BRINP2: variants seen among roughly 807,000 people sequenced by gnomAD.
The protein encoded by BRINP2 is BMP/retinoic acid inducible neural specific 2, also known as BMP/retinoic acid-inducible neural-specific protein 2.
Under a neutral mutation model 69.2 loss-of-function variants are expected in BRINP2, and 21 were observed. The observed-to-expected ratio is 0.30, with a 90% confidence interval of 0.22 to 0.44. The LOEUF is 0.44. Ranked by LOEUF, BRINP2 falls within the 20% of genes least tolerant of loss-of-function variation. The pLI is 1.00. For missense variants in BRINP2, 877 were observed against 986.0 expected (o/e 0.89, Z 1.48); for synonymous variants, 380 against 394.1 (o/e 0.96, Z 0.42).
chr1:177,238,629 G>A (rs1410641260), intron 2 of BRINP2, among the ~76,000 whole-genome samples: 2 of 152,176 alleles, frequency 1.3e-5, no homozygotes, highest in African/African-American at 4.8e-5. Flanking sequence ...ACTCTACACA[G>A]TATTGAGAAA....
chr1:177,200,461 C>A (rs1648878866), intron 1 of BRINP2, among the ~76,000 whole-genome samples: 1 of 152,102 alleles, frequency 6.6e-6, no homozygotes, highest in South Asian at 2.1e-4. Context: ...CGCTGCCCAT[C>A]TGACCCCATT....
intron 1 of BRINP2, among the ~76,000 whole-genome samples, chr1:177,185,202 C>A (rs1648392360): frequency 6.6e-6 from 1 of 152,076 alleles, no homozygotes; most frequent in Admixed American, 6.5e-5. Context: ...TTCCACCCAT[C>A]CCCTCATAGG....
At chr1:177,242,227 C>T (rs1161851077) in intron 2 of BRINP2, among the ~76,000 whole-genome samples, 1 of 152,144 alleles carries the variant, frequency 6.6e-6, no homozygotes, top group Non-Finnish European at 1.5e-5. Context: ...TCGTACTTTC[C>T]TCACTTCTCT....
At chr1:177,200,292 T>TAAAA (rs1648866674) in intron 1 of BRINP2, among the ~76,000 whole-genome samples, 1 of 6,938 alleles carries the variant, frequency 1.4e-4, no homozygotes, top group South Asian at 5.0e-3. Context: ...AAACTCTGTC[T>TAAAA]CAAAAAAAAA....
Position 177,180,503 on chromosome 1 carries a change from T to G in BRINP2, c.-77+8771T>G, listed in dbSNP as rs114648756. 3.3e-3 allele frequency among the ~76,000 whole-genome samples: 499 copies of G among 152,374 alleles called. 3 individuals carry two copies. The highest frequency in any genetic ancestry group is 0.011 in the African/African-American group (476 of 41,588). ...TGACAAATAGCAGAGTTGAGCATCC[T>G]TAAGCCTGGAGGAAAAGGTTTCCCT... is the stretch of plus-strand genomic sequence containing the variant. On this transcript the variant is annotated intron_variant, in intron 1 of 7. Coordinates refer to ENST00000361539, the MANE Select transcript of BRINP2 (RefSeq NM_021165.4).
chr1:177,269,189 C>A (rs1651229076), intron 4 of BRINP2, among the ~76,000 whole-genome samples: 3 of 152,204 alleles, frequency 2.0e-5, no homozygotes, highest in Admixed American at 1.3e-4. Context: ...GGCACTAGGG[C>A]TGCCATCCCT....
chr1:177,180,818 A>C (rs1217905087), intron 1 of BRINP2, among the ~76,000 whole-genome samples: 1 of 152,226 alleles, frequency 6.6e-6, no homozygotes, highest in African/African-American at 2.4e-5. Flanking sequence ...TTAAAATCAC[A>C]GGTGATATAT....
At chr1:177,181,613 G>A (rs1648251265) in intron 1 of BRINP2, among the ~76,000 whole-genome samples, 1 of 152,210 alleles carries the variant, frequency 6.6e-6, no homozygotes, top group African/African-American at 2.4e-5. Flanking sequence ...AGCACGCAGT[G>A]AGGACTGTGG....
chr1:177,266,169 G>A (rs963711232), intron 4 of BRINP2, among the ~76,000 whole-genome samples: 2 of 151,832 alleles, frequency 1.3e-5, no homozygotes, highest in Non-Finnish European at 2.9e-5. Context: ...CTGCTGGAGT[G>A]TGAAAAAGAT....
In BRINP2 at chr1:177,175,075, A is replaced by G. The variant is rs186889488; in HGVS notation, c.-77+3343A>G. On this transcript the variant is annotated intron_variant, in intron 1 of 7. Coordinates refer to ENST00000361539, the MANE Select transcript of BRINP2 (RefSeq NM_021165.4). ...TAAGAGAGAGCCTTGATTTTCCTTC[A>G]TTTCTTATTTCTCCACCCAAATGTT... 7.0e-4 allele frequency among the ~76,000 whole-genome samples: 107 copies of G among 152,246 alleles called. 2 individuals are homozygous for G. The highest frequency in any genetic ancestry group is 6.8e-3 in the Admixed American group (104 of 15,294).
intron 1 of BRINP2, among the ~76,000 whole-genome samples, chr1:177,183,137 C>CATT (rs1648311403): frequency 1.8e-5 from 1 of 54,302 alleles, no homozygotes; most frequent in Non-Finnish European, 3.4e-5. Context: ...AGTGTGTGAG[C>CATT]TTTTTTTTTT....
chr1:177,255,923 T>A lies in BRINP2; in HGVS notation c.274T>A (p.Phe92Ile). 6.2e-7 allele frequency: 1 copy of A among 1,613,948 alleles called. No homozygotes were observed. The highest frequency in any genetic ancestry group is 8.5e-7 in the Non-Finnish European group (1 of 1,179,914). ...ATCCCTTGGCTTTTCCCCCAGGGAGTTTGCCCGTTGGAAGGTGAACAACTT... is the reference window on the plus strand; with the variant it reads ...ATCCCTTGGCTTTTCCCCCAGGGAGATTGCCCGTTGGAAGGTGAACAACTT... ...FTTRYRIYRE[F>I]ARWKVNNLAL... Residue 92 changes from phenylalanine to isoleucine, a missense_variant, in exon 3 of 8, where the codon TTT (phenylalanine) becomes ATT (isoleucine). By Grantham distance (21) the Phe-to-Ile change is conservative. Coordinates refer to ENST00000361539, the MANE Select transcript of BRINP2 (RefSeq NM_021165.4).
chr1:177,263,887 C>T (rs368178810), intron 4 of BRINP2, among the ~76,000 whole-genome samples: 1 of 152,180 alleles, frequency 6.6e-6, no homozygotes, highest in Non-Finnish European at 1.5e-5. Flanking sequence ...CTGGTTAAAT[C>T]CAACTCTCCA....
In BRINP2 at chr1:177,229,168, A is replaced by G. The variant is rs535258546; in HGVS notation, c.-76-633A>G. 5.3e-5 allele frequency among the ~76,000 whole-genome samples: 8 copies of G among 152,320 alleles called. No homozygotes were observed. The East Asian group carries it at 1.5e-3, about 29-fold the overall frequency. On this transcript the variant is annotated intron_variant, in intron 1 of 7. Transcript: ENST00000361539. ...CACATGACCTTCAGTAAAAGAGTAG[A>G]TCAGATGTTCAAGGCTGGAAGAGGT...
rs12096282 is a variant in BRINP2, at chr1:177,281,294, C to T, written c.2118C>T (p.Tyr706=). The change falls in exon 8 of 8, where the codon TAC becomes TAT. Residue 706 remains tyrosine, a synonymous_variant. Coordinates refer to ENST00000361539, the MANE Select transcript of BRINP2 (RefSeq NM_021165.4). ...AIRDLILQLD[Y]PYTQGSQDSA... ...GGGACTTAATTCTCCAGTTGGACTA[C>T]CCATATACTCAAGGTTCCCAGGACT... 94 of 1,614,144 alleles carry T rather than the reference C, an allele frequency of 5.8e-5. 2 individuals are homozygous for T. The African/African-American group carries it at 9.3e-4, about 16-fold the overall frequency.
intron 1 of BRINP2, among the ~76,000 whole-genome samples, chr1:177,195,489 C>T (rs566968834): frequency 6.6e-6 from 1 of 150,560 alleles, no homozygotes; most frequent in South Asian, 2.2e-4. Flanking sequence ...CAGCATTTTT[C>T]TCCCTCTTCT....
chr1:177,263,494 G>T (rs1651023840), intron 4 of BRINP2, among the ~76,000 whole-genome samples: 1 of 152,148 alleles, frequency 6.6e-6, no homozygotes, highest in South Asian at 2.1e-4. Flanking sequence ...AGCATGAGGG[G>T]TGGGAAATGA....
At position 177,281,884 on chromosome 1, in the gene BRINP2, A is replaced by C; in HGVS notation, c.*356A>C. ...ACCATGAAACAAACAAAAATCCTAA[A>C]AGTGATTCTTGTCATTCAAGAAAGC... On this transcript the variant is annotated 3_prime_UTR_variant, in exon 8 of 8. Coordinates refer to ENST00000361539, the MANE Select transcript of BRINP2 (RefSeq NM_021165.4). The C allele has an allele frequency of 2.3e-5, 4 of 176,176 alleles. No individual in the cohort carries two copies. Among genetic ancestry groups the C allele is most frequent in the East Asian group, 1.6e-4 (1 of 6,404 alleles). The allele number at this position is 176,176 out of a possible 1,614,324, so 10.9% of individuals were successfully genotyped here.
chr1:177,176,604 G>A (rs1168205827), intron 1 of BRINP2, among the ~76,000 whole-genome samples: 1 of 151,220 alleles, frequency 6.6e-6, no homozygotes, highest in East Asian at 1.9e-4. Context: ...GGTTAATGGG[G>A]AAAAGGTGCA....
Sources: allele counts gnomAD v4.1 joint callset (sites outside exome capture counted in the v4.1 genomes callset), GRCh38; gene constraint gnomAD v4.1.1; transcripts MANE v1.5; gene names NCBI Gene and HGNC (gene_info 2026-07-23, HGNC 2026-07-21).